The following ANKRD28 variants were observed in gnomAD, a reference collection of about 807,000 sequenced individuals.
ANKRD28 encodes the protein serine/threonine-protein phosphatase 6 regulatory ankyrin repeat subunit A.
A neutral mutation model predicts 126.5 loss-of-function variants in ANKRD28; 44 were observed. That is an observed-to-expected ratio of 0.35 (90% CI 0.27 to 0.45). ANKRD28 has a LOEUF of 0.45. Ranked by LOEUF, ANKRD28 falls within the 20% of genes least tolerant of loss-of-function variation. The pLI, the probability that ANKRD28 is intolerant of heterozygous loss-of-function variation, is 1.00. For missense variants in ANKRD28, 1,110 were observed against 1,316.6 expected, an observed-to-expected ratio of 0.84 and a Z score of 2.43; for synonymous variants, 442 against 468.5, an observed-to-expected ratio of 0.94 and a Z score of 0.73.
rs2068082225 is a variant in ANKRD28, at chr3:15,686,009, T to A, written c.2162A>T (p.His721Leu). ...AKDKWGRTAL[H>L]RGAVTGHEEC... is the part of the protein sequence containing the mutation. ...GAGCATATTTCTGCTTACCCCTCTA[T>A]GCAACGCTGTCCTTCCCCACTTATC... Residue 721 changes from histidine to leucine, a missense_variant, in exon 20 of 28, where the codon CAT becomes CTT. By Grantham distance (99) the His-to-Leu change is moderately conservative. Coordinates refer to ENST00000683139, the MANE Select transcript of ANKRD28 (RefSeq NM_001349278.2). 1 of 1,613,158 alleles carries A rather than the reference T, an allele frequency of 6.2e-7. No homozygotes were observed. Among genetic ancestry groups the A allele is most frequent in the Non-Finnish European group, 8.5e-7 (1 of 1,179,498 alleles).
chr3:15,726,433 T>G (rs746973893), intron 6 of ANKRD28, among the ~76,000 whole-genome samples: 5 of 152,232 alleles, frequency 3.3e-5, no homozygotes, highest in Non-Finnish European at 4.4e-5. Flanking sequence ...GTGGTCTGGA[T>G]AGACGACCAA....
chr3:15,685,466 G>A (rs1342873143), intron 20 of ANKRD28, 21 bp from the exon 21 acceptor site: 2 of 1,610,650 alleles, frequency 1.2e-6, no homozygotes, highest in Admixed American at 1.7e-5. Flanking sequence ...ATAATTTAAA[G>A]GTAGTCAAAC....
chr3:15,777,849 T>TACACACACACACACACACACAC (rs569761948), intron 2 of ANKRD28, among the ~76,000 whole-genome samples: 18 of 106,192 alleles, frequency 1.7e-4, no homozygotes, highest in Admixed American at 4.0e-4. Context: ...AAAACCAAAC[T>TACACACACACACACACACACAC]ACACACACAC....
At chr3:15,702,715 G>A (rs1248889414) in intron 14 of ANKRD28, among the ~76,000 whole-genome samples, 1 of 152,090 alleles carries the variant, frequency 6.6e-6, no homozygotes, top group East Asian at 1.9e-4. Flanking sequence ...CAGAGCCCTG[G>A]GTAAGGACCA....
At chr3:15,715,284 T>C (rs2072870954) in intron 8 of ANKRD28, among the ~76,000 whole-genome samples, 1 of 152,200 alleles carries the variant, frequency 6.6e-6, no homozygotes, top group African/African-American at 2.4e-5. Flanking sequence ...ACATACATGT[T>C]ACCAACGCAA....
intron 3 of ANKRD28, 107 bp downstream of exon 3, chr3:15,766,122 TAAAAC>T: frequency 1.3e-6 from 1 of 765,100 alleles, no homozygotes; most frequent in East Asian, 2.7e-5. Context: ...TTTCAGCTGA[TAAAAC>T]AAATATGAAC....
chr3:15,748,847 A>G (rs2057658771), intron 4 of ANKRD28, among the ~76,000 whole-genome samples: 1 of 152,142 alleles, frequency 6.6e-6, no homozygotes, highest in Admixed American at 6.5e-5. Flanking sequence ...GCTTTGGAAA[A>G]TTAACATAGT....
At chr3:15,749,112 T>G (rs1467155647) in intron 4 of ANKRD28, among the ~76,000 whole-genome samples, 2 of 135,052 alleles carry the variant, frequency 1.5e-5, no homozygotes, top group African/African-American at 2.9e-5. Context: ...TTTTTTTTTT[T>G]TTTTTTTTTG....
chr3:15,707,505 G>A (rs930670762), intron 14 of ANKRD28, among the ~76,000 whole-genome samples: 2 of 152,148 alleles, frequency 1.3e-5, no homozygotes, highest in Non-Finnish European at 2.9e-5. Context: ...TTGCAAATCT[G>A]AACTGTCTAC....
At chr3:15,820,617 A>C (rs1451723479) in intron 1 of ANKRD28, among the ~76,000 whole-genome samples, 1 of 152,204 alleles carries the variant, frequency 6.6e-6, no homozygotes, top group African/African-American at 2.4e-5. Flanking sequence ...TCTGACACAC[A>C]CACAAAATGA....
intron 1 of ANKRD28, among the ~76,000 whole-genome samples, chr3:15,857,420 G>A (rs926723279): frequency 6.6e-6 from 1 of 152,176 alleles, no homozygotes; most frequent in African/African-American, 2.4e-5. Context: ...GAGTAGCTGG[G>A]ATTACAGGTG....
At chr3:15,831,631 T>G (rs945769876) in intron 1 of ANKRD28, among the ~76,000 whole-genome samples, 1 of 152,198 alleles carries the variant, frequency 6.6e-6, no homozygotes, top group Non-Finnish European at 1.5e-5. Context: ...ACCTAGGTAG[T>G]CTGACCTTGC....
Position 15,748,614 on chromosome 3 carries a change from G to A in ANKRD28, c.351+3136C>T, listed in dbSNP as rs1186817052. Reference sequence around the variant, plus strand: ...GGTTACCTGATGCTTTTGCCTCACAGCTCTGAAGATTCTTTCCTGCATCTT... The same window carrying A: ...GGTTACCTGATGCTTTTGCCTCACAACTCTGAAGATTCTTTCCTGCATCTT... On this transcript the variant is annotated intron_variant, in intron 4 of 27. Transcript: ENST00000683139. 2.6e-5 allele frequency among the ~76,000 whole-genome samples: 4 copies of A among 152,286 alleles called. No individual in the cohort carries two copies. In the East Asian group the frequency reaches 7.7e-4, roughly 29 times the overall value.
chr3:15,814,919 G>C lies in ANKRD28; in HGVS notation c.28-19613C>G, dbSNP rs1053905808. 1.1e-4 allele frequency among the ~76,000 whole-genome samples: 16 copies of C among 149,952 alleles called. No homozygotes were observed. Among genetic ancestry groups the C allele is most frequent in the Non-Finnish European group, 2.1e-4 (14 of 67,522 alleles). ...TATATATATACTTTTTTAAAGGTTA[G>C]GATAATACATACATATTATTTAGTA... On this transcript the variant is annotated intron_variant, in intron 1 of 27. Coordinates refer to the ANKRD28 transcript ENST00000399451. The surrounding 1 kb of genome is among the most constrained non-coding windows in gnomAD (Gnocchi z 4.7).
At chr3:15,726,730 G>A (rs1020317579) in intron 6 of ANKRD28, among the ~76,000 whole-genome samples, 47 of 152,306 alleles carry the variant, frequency 3.1e-4, no homozygotes, top group African/African-American at 1.0e-3. Context: ...CAGATGAAAC[G>A]GCCTTCTATT....
intron 2 of ANKRD28, among the ~76,000 whole-genome samples, chr3:15,774,820 G>A (rs1471549614): frequency 2.6e-5 from 4 of 152,182 alleles, no homozygotes; most frequent in African/African-American, 9.7e-5. Context: ...AAAAAGACCC[G>A]CTGCAAATTA....
At chr3:15,685,936 A>T in intron 20 of ANKRD28, 66 bp downstream of exon 20, 1 of 1,173,076 alleles carries the variant, frequency 8.5e-7, no homozygotes, top group Non-Finnish European at 1.2e-6. Flanking sequence ...AACATAACCT[A>T]GTTCAGTTCT....
intron 1 of ANKRD28, among the ~76,000 whole-genome samples, chr3:15,805,921 T>C (rs570289259): frequency 5.6e-4 from 85 of 152,256 alleles, no homozygotes; most frequent in Non-Finnish European, 9.1e-4. Context: ...CCCAACTGCA[T>C]ACATCACTTC....
chr3:15,725,640 A>G (rs2074100260), intron 6 of ANKRD28, among the ~76,000 whole-genome samples: 1 of 152,150 alleles, frequency 6.6e-6, no homozygotes. Flanking sequence ...ATTCTTGCCA[A>G]TATTTCAAAC....
Sources: gnomAD v4.1 joint callset for allele counts (sites outside exome capture counted in the v4.1 genomes callset) on GRCh38, gnomAD v4.1.1 for gene constraint, Gnocchi (gnomAD v3.1) non-coding constraint, MANE v1.5 for transcripts, NCBI Gene and HGNC (gene_info 2026-07-23, HGNC 2026-07-21) for gene names.